Variants in PLS1 observed in about 807,000 individuals in gnomAD.
PLS1 encodes plastin 1, also known as plastin-1.
A neutral mutation model predicts 73.7 loss-of-function variants in PLS1; 32 were observed. That is an observed-to-expected ratio of 0.43 (90% CI 0.33 to 0.58). PLS1 has a LOEUF of 0.58. PLS1 is among the 20% of genes least tolerant of loss of function. PLS1 has a pLI of 0.04. For missense variants in PLS1, 633 were observed against 740.5 expected (o/e 0.85, Z 1.68); for synonymous variants, 217 against 261.3 (o/e 0.83, Z 1.63).
At chr3:142,637,523 C>T (rs964635972) in intron 1 of PLS1, among the ~76,000 whole-genome samples, 7 of 152,034 alleles carry the variant, frequency 4.6e-5, no homozygotes, top group Non-Finnish European at 7.4e-5. Flanking sequence ...TGCAGCTTAG[C>T]GTATGTCAAT....
chr3:142,684,442 A>G (rs2037922295), intron 8 of PLS1, 47 bp downstream of exon 8: 2 of 1,513,426 alleles, frequency 1.3e-6, no homozygotes, highest in Non-Finnish European at 1.8e-6. Context: ...AAGGATGTGC[A>G]GTGTAAAAAT....
chr3:142,641,521 A>G (rs1376531949), intron 1 of PLS1, among the ~76,000 whole-genome samples: 1 of 151,644 alleles, frequency 6.6e-6, no homozygotes, highest in African/African-American at 2.4e-5. Flanking sequence ...TTTTTGTTTT[A>G]ATCTCTGAAG....
At position 142,599,112 on chromosome 3, in the gene PLS1, C is replaced by T. The variant is rs2035864541; in HGVS notation, c.-37+2603C>T. On this transcript the variant is annotated intron_variant, in intron 1 of 15. Transcript: ENST00000457734. ...AAGCTCTCTGAAGGATGACCTTTAA[C>T]CCTTCACAATACCTGGCACATTGCT... Among the ~76,000 whole-genome samples, 3 of 151,728 alleles carry T rather than the reference C, an allele frequency of 2.0e-5. No homozygotes were observed. The South Asian group carries it at 6.2e-4, about 31-fold the overall frequency.
chr3:142,684,228 T>G lies in PLS1; in HGVS notation c.746-25T>G, dbSNP rs376448999. 5.6e-6 allele frequency: 9 copies of G among 1,613,812 alleles called. No individual in the cohort carries two copies. In the African/African-American group the frequency reaches 1.2e-4, roughly 22 times the overall value. ...GACATGTACTTGCTATGGGAAGAAT[T>G]TACATTTCGCTGTTTTGCCCTCAGC... On this transcript the variant is annotated intron_variant, in intron 7 of 15. Coordinates refer to ENST00000457734, the MANE Select transcript of PLS1 (RefSeq NM_001145319.2).
At chr3:142,678,141 A>C (rs982746932) in intron 6 of PLS1, 28 bp downstream of exon 6, 1 of 1,095,938 alleles carries the variant, frequency 9.1e-7, no homozygotes, top group African/African-American at 1.6e-5. Flanking sequence ...GCTTATTATC[A>C]TGTTACTATG....
rs1373734306 is a variant in PLS1, at chr3:142,713,226, T to C, written c.*1219T>C. The C allele has an allele frequency of 1.3e-5, 2 of 152,610 alleles. No individual in the cohort carries two copies. Among genetic ancestry groups the C allele is most frequent in the East Asian group, 3.8e-4 (2 of 5,196 alleles). 9.5% of individuals were successfully genotyped at this position (152,610 alleles called of 1,614,324 possible). On this transcript the variant is annotated 3_prime_UTR_variant, in exon 16 of 16. Transcript: ENST00000457734. Reference sequence around the variant, plus strand: ...ATTAGTCCATTTCTGCTGCTAACAATTGAATCCAGAAATCTACTTTCTCCA... The same window carrying C: ...ATTAGTCCATTTCTGCTGCTAACAACTGAATCCAGAAATCTACTTTCTCCA...
At chr3:142,640,251 T>C (rs2036801849) in intron 1 of PLS1, among the ~76,000 whole-genome samples, 1 of 152,218 alleles carries the variant, frequency 6.6e-6, no homozygotes. Context: ...ACTAAGAAGA[T>C]GATTTTCTTG....
rs187674215 is a variant in PLS1 at position 142,610,395 on chromosome 3, A to G, written c.-37+13886A>G. Among the ~76,000 whole-genome samples, 338 of 152,324 alleles carry G rather than the reference A, an allele frequency of 2.2e-3. 1 individual carries two copies. The highest frequency in any genetic ancestry group is 3.7e-3 in the Non-Finnish European group (253 of 68,024). The stretch of plus-strand genomic sequence containing the variant: ...ACACTGTGGATATTGTCTAACTAGC[A>G]CAGAGTACAGTAAGATCTAACATTT... On this transcript the variant is annotated intron_variant, in intron 1 of 15. Transcript: ENST00000457734.
intron 1 of PLS1, among the ~76,000 whole-genome samples, chr3:142,633,447 G>A (rs1290215539): frequency 6.6e-6 from 1 of 152,196 alleles, no homozygotes; most frequent in Non-Finnish European, 1.5e-5. Flanking sequence ...CCTGAGGTCA[G>A]GAGTTCGAGA....
intron 1 of PLS1, among the ~76,000 whole-genome samples, chr3:142,647,080 G>A (rs1044260366): frequency 6.6e-6 from 1 of 152,164 alleles, no homozygotes; most frequent in African/African-American, 2.4e-5. Context: ...TAAATACAAG[G>A]TGTAGCATGT....
intron 6 of PLS1, among the ~76,000 whole-genome samples, chr3:142,682,746 A>G (rs904073957): frequency 6.6e-6 from 1 of 152,236 alleles, no homozygotes; most frequent in African/African-American, 2.4e-5. Context: ...AAAGTTGCAT[A>G]GATTTGATTT....
chr3:142,606,281 GT>G (rs757915496), intron 1 of PLS1, among the ~76,000 whole-genome samples: 3 of 151,502 alleles, frequency 2.0e-5, no homozygotes, highest in Admixed American at 6.6e-5. Context: ...TTTATGCACA[GT>G]TTTTTTTTGA....
At chr3:142,600,900 A>AT (rs2035906229) in intron 1 of PLS1, among the ~76,000 whole-genome samples, 1 of 29,622 alleles carries the variant, frequency 3.4e-5, no homozygotes, top group African/African-American at 2.1e-4. Context: ...ATATATATAT[A>AT]TATATATATA....
intron 6 of PLS1, among the ~76,000 whole-genome samples, chr3:142,682,018 C>T (rs1367454997): frequency 6.6e-6 from 1 of 152,146 alleles, no homozygotes; most frequent in Non-Finnish European, 1.5e-5. Flanking sequence ...GCTGAGTTAA[C>T]TGTTTAATGC....
chr3:142,693,735 G>T (rs187236709), intron 10 of PLS1, among the ~76,000 whole-genome samples: 5 of 152,248 alleles, frequency 3.3e-5, no homozygotes, highest in Admixed American at 3.3e-4. Context: ...CAAAGGGAAT[G>T]CTCAGGGAGG....
intron 1 of PLS1, among the ~76,000 whole-genome samples, chr3:142,623,978 T>C (rs994074921): frequency 1.5e-4 from 23 of 152,162 alleles, no homozygotes; most frequent in Non-Finnish European, 3.2e-4. Flanking sequence ...GTGTGTATTA[T>C]TGCTTGGAAA....
chr3:142,606,030 A>G (rs984509832), intron 1 of PLS1, among the ~76,000 whole-genome samples: 1 of 152,268 alleles, frequency 6.6e-6, no homozygotes, highest in African/African-American at 2.4e-5. Flanking sequence ...CTAGGACAAT[A>G]AATAATGGGA....
chr3:142,698,721 C>T (rs770109294), intron 12 of PLS1, among the ~76,000 whole-genome samples: 5 of 152,258 alleles, frequency 3.3e-5, no homozygotes, highest in African/African-American at 4.8e-5. Flanking sequence ...TATTGAACTG[C>T]ATCCAATGTA....
At chr3:142,640,328 G>A (rs948687908) in intron 1 of PLS1, among the ~76,000 whole-genome samples, 2 of 152,226 alleles carry the variant, frequency 1.3e-5, no homozygotes, top group Non-Finnish European at 2.9e-5. Flanking sequence ...TTTTTATCAA[G>A]CAACAACTAT....
Sources: allele counts gnomAD v4.1 joint callset (sites outside exome capture counted in the v4.1 genomes callset), GRCh38; gene constraint gnomAD v4.1.1; transcripts MANE v1.5; gene names NCBI Gene and HGNC (gene_info 2026-07-23, HGNC 2026-07-21).